PXK: variants seen among roughly 807,000 people sequenced by gnomAD.
The protein encoded by PXK is PX domain containing serine/threonine kinase like.
Under a neutral mutation model 84.7 loss-of-function variants are expected in PXK, and 35 were observed. The ratio of observed to expected loss-of-function variants is 0.41; its 90% CI spans 0.32 to 0.55. The LOEUF is 0.55. Ranked by LOEUF, PXK falls within the 20% of genes least tolerant of loss-of-function variation. PXK has a pLI of 0.21. For synonymous variants in PXK, 253 were observed against 260.8 expected, an observed-to-expected ratio of 0.97 and a Z score of 0.29; for missense variants, 634 against 699.7, an observed-to-expected ratio of 0.91 and a Z score of 1.06.
chr3:58,365,633 A>C (rs781043920), intron 1 of PXK, among the ~76,000 whole-genome samples: 1 of 152,160 alleles, frequency 6.6e-6, no homozygotes, highest in Non-Finnish European at 1.5e-5. Flanking sequence ...CAGTTTTATC[A>C]GTTTTTTGCC....
intron 1 of PXK, among the ~76,000 whole-genome samples, chr3:58,362,340 A>G (rs1559927757): frequency 6.6e-6 from 1 of 152,070 alleles, no homozygotes; most frequent in Non-Finnish European, 1.5e-5. Flanking sequence ...TACATTTTAC[A>G]TTTAAGTACA....
intron 9 of PXK, among the ~76,000 whole-genome samples, 179 bp downstream of exon 9, chr3:58,395,938 A>G (rs1055557597): frequency 6.6e-6 from 1 of 152,356 alleles, no homozygotes; most frequent in Non-Finnish European, 1.5e-5. Flanking sequence ...ACAGTCACTT[A>G]TGTCTACAAA....
In PXK at chr3:58,409,111, A is replaced by G; in HGVS notation, c.1308+110A>G. ...CTCTGCAAATATTTTAAGCATACTT[A>G]CTCTCAGCCAGCCTTTAGGCTAAAT... is the stretch of plus-strand genomic sequence containing the variant. On this transcript the variant is annotated intron_variant, in intron 14 of 17. Transcript: ENST00000356151. The surrounding 1 kb of genome is among the most constrained non-coding windows in gnomAD (Gnocchi z 4.2). 1 of 814,108 alleles carries G rather than the reference A, an allele frequency of 1.2e-6. No individual in the cohort carries two copies. The highest frequency in any genetic ancestry group is 2.0e-6 in the Non-Finnish European group (1 of 506,598). The allele number at this position is 814,108 out of a possible 1,614,324, so 50.4% of individuals were successfully genotyped here.
chr3:58,360,241 G>A (rs115969565), intron 1 of PXK, among the ~76,000 whole-genome samples: 124 of 152,306 alleles, frequency 8.1e-4, no homozygotes, highest in African/African-American at 2.7e-3. Flanking sequence ...AGCGGATATT[G>A]TTGAACGTTG....
At chr3:58,358,407 T>C (rs1268590791) in intron 1 of PXK, among the ~76,000 whole-genome samples, 1 of 152,236 alleles carries the variant, frequency 6.6e-6, no homozygotes, top group East Asian at 1.9e-4. Context: ...GCCTTGGGGC[T>C]ACCAGTAACT....
At position 58,333,018 on chromosome 3, in the gene PXK, CA is replaced by C. The variant is rs1159344002; in HGVS notation, c.32del (p.Lys11ArgfsTer10). The C allele has an allele frequency of 7.3e-7, 1 of 1,369,424 alleles. No homozygotes were observed. The highest frequency in any genetic ancestry group is 9.5e-7 in the Non-Finnish European group (1 of 1,048,722). 84.8% of individuals were successfully genotyped at this position (1,369,424 alleles called of 1,614,324 possible). MAFMEKPPAG[K>X]VLLDDTVPLT... ...CCTTCATGGAGAAGCCGCCAGCCGG[CA>C]AGGTGCTGCTGGACGACACGGTGCC... is the stretch of plus-strand genomic sequence containing the variant. On this transcript the variant is annotated frameshift_variant, in exon 1 of 18. Coordinates refer to ENST00000356151, the MANE Select transcript of PXK (RefSeq NM_017771.5). LOFTEE classifies it high-confidence loss of function. This position sits in a 1 kb window ranked among gnomAD's most constrained non-coding sequence, Gnocchi z 5.4.
At chr3:58,354,739 C>T (rs1012904111) in intron 1 of PXK, among the ~76,000 whole-genome samples, 2 of 152,030 alleles carry the variant, frequency 1.3e-5, no homozygotes, top group Non-Finnish European at 2.9e-5. Context: ...TGAGCCACCG[C>T]GCCTGGCCCG....
At chr3:58,363,536 A>G (rs2098223757) in intron 1 of PXK, among the ~76,000 whole-genome samples, 1 of 152,038 alleles carries the variant, frequency 6.6e-6, no homozygotes, top group South Asian at 2.1e-4. Context: ...TGCCTGGGCT[A>G]GTCTTAAACT....
chr3:58,423,718 G>C (rs1288261829), intron 17 of PXK, among the ~76,000 whole-genome samples: 1 of 152,218 alleles, frequency 6.6e-6, no homozygotes, highest in Non-Finnish European at 1.5e-5. Flanking sequence ...GACAGCATCT[G>C]ACAGAGTCTC....
At chr3:58,344,697 G>A (rs1157990083) in intron 1 of PXK, among the ~76,000 whole-genome samples, 2 of 152,168 alleles carry the variant, frequency 1.3e-5, no homozygotes, top group Non-Finnish European at 2.9e-5. Context: ...TTATGGTGGT[G>A]GGCACCTGTA....
rs1033583201 is a variant in PXK at position 58,414,127 on chromosome 3, T to G, written c.1528+1164T>G. ...ATCAAGACAGAAAATAGGCCTTTTT[T>G]GTCTTTTATGGAGATACACTGTTTA... On this transcript the variant is annotated intron_variant, in intron 17 of 17. Coordinates refer to ENST00000356151, the MANE Select transcript of PXK (RefSeq NM_017771.5). The surrounding 1 kb of genome is among the most constrained non-coding windows in gnomAD (Gnocchi z 4.5). 5.3e-5 allele frequency: 8 copies of G among 151,264 alleles called. No individual in the cohort carries two copies. Among genetic ancestry groups the G allele is most frequent in the African/African-American group, 4.8e-5 (2 of 41,414 alleles). The allele number at this position is 151,264 out of a possible 1,614,324, so 9.4% of individuals were successfully genotyped here.
At chr3:58,350,646 G>T (rs1489112556) in intron 1 of PXK, among the ~76,000 whole-genome samples, 2 of 152,166 alleles carry the variant, frequency 1.3e-5, no homozygotes, top group Non-Finnish European at 2.9e-5. Flanking sequence ...CCCTCTCTGA[G>T]CTTCAGGGTT....
rs1214379008 is a variant in PXK, at chr3:58,373,298, A to C, written c.201+3820A>C. On this transcript the variant is annotated intron_variant, in intron 3 of 17. Transcript: ENST00000356151. ...TTTCACTGTGTTAGCCAGGATGGTG[A>C]TCTCCTGACCTCGTGATCCGCCCAC... Among the ~76,000 whole-genome samples the C allele has an allele frequency of 8.2e-5, 12 of 145,490 alleles. No homozygotes were observed. The Admixed American group carries it at 8.3e-4, about 10-fold the overall frequency.
intron 17 of PXK, among the ~76,000 whole-genome samples, chr3:58,418,001 G>A (rs2061251937): frequency 6.6e-6 from 1 of 151,758 alleles, no homozygotes; most frequent in Non-Finnish European, 1.5e-5. Flanking sequence ...ATATTTTTTT[G>A]TAGAGACGGG....
At chr3:58,341,702 TTTTCTTTTC>T (rs1198968660) in intron 1 of PXK, among the ~76,000 whole-genome samples, 5 of 120,218 alleles carry the variant, frequency 4.2e-5, no homozygotes, top group African/African-American at 2.3e-4. Context: ...TTTTCTTTTC[TTTTCTTTTC>T]TTTTTTTTTT....
At chr3:58,380,667 C>T (rs182890466) in intron 3 of PXK, among the ~76,000 whole-genome samples, 197 of 152,104 alleles carry the variant, frequency 1.3e-3, no homozygotes, top group Middle Eastern at 3.5e-3. Context: ...AAAAATTAGC[C>T]GGGTGCAGTG....
At chr3:58,376,313 G>A (rs1287099173) in intron 3 of PXK, among the ~76,000 whole-genome samples, 1 of 152,084 alleles carries the variant, frequency 6.6e-6, no homozygotes, top group African/African-American at 2.4e-5. Context: ...TACTCGGGAG[G>A]CTGAGGCAGG....
At chr3:58,335,897 T>C (rs1324578668) in intron 1 of PXK, among the ~76,000 whole-genome samples, 1 of 151,638 alleles carries the variant, frequency 6.6e-6, no homozygotes, top group Non-Finnish European at 1.5e-5. Context: ...ATTTGTAAAA[T>C]GTATTCCTTC....
rs554653853 is a variant in PXK at position 58,398,433 on chromosome 3, T to A, written c.1102+711T>A. Among the ~76,000 whole-genome samples the A allele has an allele frequency of 3.3e-5, 5 of 151,948 alleles. No homozygotes were observed. Among genetic ancestry groups the A allele is most frequent in the Admixed American group, 6.6e-5 (1 of 15,258 alleles). ...AAACGAAAACAAAACAAAACAAGAA[T>A]GCCATAGGCCAGAAGCCTAGTAGAT... On this transcript the variant is annotated intron_variant, in intron 11 of 17. Coordinates refer to ENST00000356151, the MANE Select transcript of PXK (RefSeq NM_017771.5). The surrounding 1 kb of genome is among the most constrained non-coding windows in gnomAD (Gnocchi z 4.5).
Sources: allele counts gnomAD v4.1 joint callset (sites outside exome capture counted in the v4.1 genomes callset), GRCh38; gene constraint gnomAD v4.1.1; non-coding constraint Gnocchi (gnomAD v3.1); transcripts MANE v1.5; gene names NCBI Gene and HGNC (gene_info 2026-07-23, HGNC 2026-07-21).